The following MASTL variants were observed in gnomAD, a reference collection of about 807,000 sequenced individuals.
MASTL encodes the protein serine/threonine-protein kinase greatwall.
Under a neutral mutation model 82.5 loss-of-function variants are expected in MASTL, and 54 were observed. The ratio of observed to expected loss-of-function variants is 0.65; its 90% CI spans 0.53 to 0.82. The LOEUF is 0.82. Ranked by LOEUF, MASTL falls within the 40% of genes least tolerant of loss-of-function variation. MASTL has a pLI of 0.00. For synonymous variants in MASTL, 323 were observed against 368.9 expected (o/e 0.88, Z 1.43); for missense variants, 950 against 1,047.8 (o/e 0.91, Z 1.29).
rs1301067895 is a variant in MASTL, at chr10:27,181,112, T to A, written c.2380+46T>A. 2.2e-6 allele frequency: 3 copies of A among 1,364,782 alleles called. No homozygotes were observed. In the East Asian group the frequency reaches 6.9e-5, roughly 31 times the overall value. 84.5% of individuals were successfully genotyped at this position (1,364,782 alleles called of 1,614,324 possible). On this transcript the variant is annotated intron_variant, in intron 10 of 11. Transcript: ENST00000375940. The stretch of plus-strand genomic sequence containing the variant: ...AAGATAGTCATTTACTGGCTGGGCA[T>A]AGTGGCCCATGCCTGTAATCCCAGC...
At chr10:27,161,476 T>C (rs1588658318) in intron 4 of MASTL, among the ~76,000 whole-genome samples, 2 of 150,170 alleles carry the variant, frequency 1.3e-5, no homozygotes, top group African/African-American at 4.9e-5. Flanking sequence ...GCCATTGCAC[T>C]CCAGACTGGG....
intron 4 of MASTL, among the ~76,000 whole-genome samples, chr10:27,163,633 T>TTTTTTTTTTTTAGTATTTTG (rs2057645480): frequency 6.6e-6 from 1 of 151,908 alleles, no homozygotes; most frequent in Non-Finnish European, 1.5e-5. Context: ...TTTTTTTTTT[T>TTTTTTTTTTTTAGTATTTTG]TTTCTTTGAG....
chr10:27,168,853 AT>A (rs2057824715), intron 7 of MASTL, among the ~76,000 whole-genome samples: 1 of 152,170 alleles, frequency 6.6e-6, no homozygotes, highest in South Asian at 2.1e-4. Context: ...GCTCATTATT[AT>A]TACTAAGTTA....
At chr10:27,167,799 A>C (rs985175141) in intron 7 of MASTL, among the ~76,000 whole-genome samples, 8 of 152,200 alleles carry the variant, frequency 5.3e-5, no homozygotes, top group African/African-American at 1.9e-4. Context: ...GAATGGACTT[A>C]CTTAAAGTCA....
intron 3 of MASTL, among the ~76,000 whole-genome samples, chr10:27,160,754 A>C (rs923534464): frequency 4.8e-5 from 7 of 144,368 alleles, no homozygotes; most frequent in African/African-American, 1.7e-4. Flanking sequence ...TCCATCTCAA[A>C]AAAAAAAAGA....
chr10:27,168,545 G>A (rs925931612), intron 7 of MASTL, among the ~76,000 whole-genome samples: 5 of 152,124 alleles, frequency 3.3e-5, no homozygotes, highest in South Asian at 2.1e-4. Flanking sequence ...GGCCAGGCGC[G>A]GTGGCTCACG....
Position 27,170,510 on chromosome 10 carries a change from A to G in MASTL, c.1551A>G (p.Gln517=), listed in dbSNP as rs2057895048. ...TTGTCAATTCTTTTACTGATAAACA[A>G]CAAACACCAGAAAAATTACCTATAC... ...ENIVNSFTDK[Q]QTPEKLPIPM... Residue 517 remains glutamine (Q), a synonymous_variant, in exon 8 of 12, where the codon CAA becomes CAG. Transcript: ENST00000375940. 1 of 1,613,974 alleles carries G rather than the reference A, an allele frequency of 6.2e-7. No homozygotes were observed. Among genetic ancestry groups the G allele is most frequent in the Admixed American group, 1.7e-5 (1 of 60,004 alleles).
chr10:27,165,411 AT>A lies in MASTL; in HGVS notation c.684del (p.Gln229LysfsTer27). 2 of 1,614,202 alleles carry A rather than the reference AT, an allele frequency of 1.2e-6. No individual in the cohort carries two copies. The highest frequency in any genetic ancestry group is 1.7e-6 in the Non-Finnish European group (2 of 1,180,042). ...LGFNTPIAEK[N>X]QDPANILSAC... is the part of the protein sequence containing the mutation. ...TAGAACACACCAATTGCAGAAAAAA[AT>A]CAAGACCCTGCAAACATCCTTTCAG... is the stretch of plus-strand genomic sequence containing the variant. On this transcript the variant is annotated frameshift_variant, in exon 6 of 12. Transcript: ENST00000375940. LOFTEE classifies it high-confidence loss of function.
At chr10:27,154,572 G>GTTT (rs755262244), upstream of MASTL, 93 of 319,380 alleles carry the variant, frequency 2.9e-4, no homozygotes, top group South Asian at 5.3e-4. Flanking sequence ...CTTTTTCTTC[G>GTTT]TTTTTTTTTT....
At chr10:27,171,107 T>C in intron 8 of MASTL, 24 bp downstream of exon 8, 1 of 1,603,452 alleles carries the variant, frequency 6.2e-7, no homozygotes, top group Non-Finnish European at 8.5e-7. Context: ...TTTCTAATAC[T>C]GTTTTTTGGA....
At chr10:27,183,075 C>T (rs755786697) in intron 11 of MASTL, among the ~76,000 whole-genome samples, 27 of 152,142 alleles carry the variant, frequency 1.8e-4, no homozygotes, top group Admixed American at 1.1e-3. Flanking sequence ...CCTAATCTTG[C>T]GAGAGAGATG....
At chr10:27,158,099 T>A (rs1295669897) in intron 1 of MASTL, among the ~76,000 whole-genome samples, 1 of 152,226 alleles carries the variant, frequency 6.6e-6, no homozygotes, top group Admixed American at 6.5e-5. Flanking sequence ...AAGATTTTTT[T>A]AAACCGTCTT....
intron 1 of MASTL, among the ~76,000 whole-genome samples, chr10:27,157,819 G>A (rs1267484145): frequency 1.3e-5 from 2 of 150,562 alleles, no homozygotes; most frequent in African/African-American, 2.4e-5. Flanking sequence ...GCAAACTTCC[G>A]ACATTCTTCC....
chr10:27,171,834 T>TTTTTTTTTTTTTTTTTTTTG (rs2057954546), intron 8 of MASTL, among the ~76,000 whole-genome samples: 1 of 137,708 alleles, frequency 7.3e-6, no homozygotes, highest in Non-Finnish European at 1.5e-5. Context: ...TCTTTTTTTT[T>TTTTTTTTTTTTTTTTTTTTG]TTTTTTTTTT....
intron 5 of MASTL, 104 bp downstream of exon 5, chr10:27,165,274 A>G (rs2057704827): frequency 1.4e-6 from 2 of 1,396,508 alleles, no homozygotes; most frequent in Non-Finnish European, 1.0e-6. Flanking sequence ...TTTAAATATC[A>G]AGCATTTGGA....
intron 11 of MASTL, among the ~76,000 whole-genome samples, chr10:27,185,551 T>A (rs906419315): frequency 2.0e-5 from 3 of 147,432 alleles, no homozygotes; most frequent in African/African-American, 5.0e-5. Context: ...GAGAATCGCT[T>A]GAACCCGGGA....
At chr10:27,162,466 C>A (rs1339132626) in intron 4 of MASTL, among the ~76,000 whole-genome samples, 1 of 152,124 alleles carries the variant, frequency 6.6e-6, no homozygotes, top group Non-Finnish European at 1.5e-5. Flanking sequence ...GTCAGGAGTT[C>A]TAGACTAGCC....
rs2057322996 is a variant in MASTL, at chr10:27,155,414, A to AGGGGCCGC, written c.-13_-12insGGGGCCGC. The AGGGGCCGC allele has an allele frequency of 6.3e-7, 1 of 1,599,056 alleles. No individual in the cohort carries two copies. The highest frequency in any genetic ancestry group is 2.3e-5 in the East Asian group (1 of 44,062). On this transcript the variant is annotated 5_prime_UTR_variant, in exon 1 of 12. An upstream start codon of the reference 5' UTR is lost. Coordinates refer to ENST00000375940, the MANE Select transcript of MASTL (RefSeq NM_001172303.3). ...GGGGCAGTGTCTGCGGGGCCGCTGT[A>AGGGGCCGC]TGCTGTCCAGCGATGGATCCCACCG...
At position 27,160,159 on chromosome 10, in the gene MASTL, CTTTTTTTTTTTTTT is replaced by C. The variant is rs58196933; in HGVS notation, c.464+417_464+430del. On this transcript the variant is annotated intron_variant, in intron 3 of 11. Coordinates refer to ENST00000375940, the MANE Select transcript of MASTL (RefSeq NM_001172303.3). ...TAGAGGTGTGTGCCATTACTCTTGG[CTTTTTTTTTTTTTT>C]TTTTTTTTTTTTTTTGTAGAGACAA... is the stretch of plus-strand genomic sequence containing the variant. Among the ~76,000 whole-genome samples, 64 of 40,608 alleles carry C rather than the reference CTTTTTTTTTTTTTT, an allele frequency of 1.6e-3. 2 individuals are homozygous for C. Among genetic ancestry groups the C allele is most frequent in the African/African-American group, 7.0e-3 (51 of 7,236 alleles). 26.6% of individuals were successfully genotyped at this position (40,608 alleles called of 152,430 possible). A position where few individuals can be genotyped will look rare whatever the true frequency, so the allele number is the denominator to read the frequency against.
Sources: gnomAD v4.1 joint callset for allele counts (sites outside exome capture counted in the v4.1 genomes callset) on GRCh38, gnomAD v4.1.1 for gene constraint, MANE v1.5 for transcripts, NCBI Gene and HGNC (gene_info 2026-07-23, HGNC 2026-07-21) for gene names.